Variants in SEMA6A observed in about 807,000 individuals in gnomAD.
SEMA6A encodes semaphorin 6A.
In SEMA6A, 25 loss-of-function variants were observed where a neutral mutation model predicts 96.8. The observed-to-expected ratio is 0.26, with a 90% CI of 0.19 to 0.36. SEMA6A has a LOEUF of 0.36. SEMA6A is among the 10% of genes least tolerant of loss of function. The probability of loss-of-function intolerance (pLI) is 1.00; values close to 1 mark genes in which losing one functional copy is unlikely to be tolerated. For missense variants in SEMA6A, 1,363 were observed against 1,323.1 expected (o/e 1.03, Z -0.47); for synonymous variants, 612 against 518.0 (o/e 1.18, Z -2.46).
At chr5:116,554,687 A>T (rs904234110) in intron 1 of SEMA6A, 1 of 152,208 alleles carries the variant, frequency 6.6e-6, no homozygotes, top group Non-Finnish European at 1.5e-5. Context: ...AAAAGGTTTC[A>T]ATTAAGTATA....
chr5:116,500,199 G>C (rs1325754753), intron 3 of SEMA6A, among the ~76,000 whole-genome samples: 1 of 152,142 alleles, frequency 6.6e-6, no homozygotes, highest in African/African-American at 2.4e-5. Flanking sequence ...ATGTTCTTGG[G>C]CAACAGCTAT....
At chr5:116,513,067 AC>A (rs1561508960) in intron 1 of SEMA6A, among the ~76,000 whole-genome samples, 1 of 152,080 alleles carries the variant, frequency 6.6e-6, no homozygotes. Flanking sequence ...TTTGATACAG[AC>A]ATGCAATGCA....
rs114952044 is a variant in SEMA6A at position 116,489,649 on chromosome 5, G to A, written c.536-642C>T. Among the ~76,000 whole-genome samples the A allele has an allele frequency of 3.1e-3, 478 of 152,248 alleles. 3 individuals are homozygous for A. Among genetic ancestry groups the A allele is most frequent in the African/African-American group, 0.011 (452 of 41,538 alleles). On this transcript the variant is annotated intron_variant, in intron 7 of 18. Transcript: ENST00000343348. ...CAAAGTCACAAACTAAAAACATTCCGAAACACAGCTTGGCTAAAGCCAAGA... is the reference window on the plus strand; with the variant it reads ...CAAAGTCACAAACTAAAAACATTCCAAAACACAGCTTGGCTAAAGCCAAGA...
chr5:116,532,984 C>T (rs1022267794), intron 1 of SEMA6A, among the ~76,000 whole-genome samples: 1 of 152,202 alleles, frequency 6.6e-6, no homozygotes, highest in Non-Finnish European at 1.5e-5. Context: ...TCCACCCCCT[C>T]TGCCAAGAGA....
intron 1 of SEMA6A, chr5:116,563,025 C>G (rs1249392733): frequency 2.0e-6 from 1 of 499,874 alleles, no homozygotes; most frequent in Non-Finnish European, 3.8e-6. Context: ...CAAGACAAGA[C>G]TCCTCAAAAT....
intron 1 of SEMA6A, among the ~76,000 whole-genome samples, chr5:116,529,709 A>G (rs1426744349): frequency 2.0e-5 from 3 of 152,200 alleles, no homozygotes; most frequent in Non-Finnish European, 2.9e-5. Flanking sequence ...GTTTAAAACT[A>G]GGCATTAGCT....
chr5:116,484,066 GAAAAAAA>G (rs542325007), intron 10 of SEMA6A, among the ~76,000 whole-genome samples: 1 of 99,924 alleles, frequency 1.0e-5, no homozygotes, highest in African/African-American at 3.5e-5. Context: ...TCTGTCTGAA[GAAAAAAA>G]AAAAAAAAAA....
chr5:116,502,599 A>G (rs933051434), intron 2 of SEMA6A: 1 of 382,022 alleles, frequency 2.6e-6, no homozygotes, highest in Admixed American at 4.2e-5. Context: ...TCTCTTTCTC[A>G]GGGCTCAACT....
intron 1 of SEMA6A, among the ~76,000 whole-genome samples, chr5:116,510,826 A>C (rs1384117647): frequency 1.3e-5 from 2 of 152,220 alleles, no homozygotes; most frequent in Non-Finnish European, 2.9e-5. Flanking sequence ...TTTTTAAAAA[A>C]TGTAAATCAT....
At chr5:116,568,893 T>A (rs1321741407) in intron 1 of SEMA6A, among the ~76,000 whole-genome samples, 1 of 152,116 alleles carries the variant, frequency 6.6e-6, no homozygotes, top group East Asian at 1.9e-4. Context: ...ATGAAGTATC[T>A]CATTTGATAA....
chr5:116,520,985 A>G (rs1044136512), intron 1 of SEMA6A, among the ~76,000 whole-genome samples: 1 of 152,238 alleles, frequency 6.6e-6, no homozygotes, highest in African/African-American at 2.4e-5. Context: ...TGGAATCAAA[A>G]GACCAAAAGA....
In SEMA6A at chr5:116,502,290, T is replaced by C. The variant is rs796888033; in HGVS notation, c.138A>G (p.Pro46=). 1.9e-6 allele frequency: 3 copies of C among 1,613,954 alleles called. No individual in the cohort carries two copies. In the African/African-American group the frequency reaches 4.0e-5, roughly 22 times the overall value. Residue 46 remains proline (P), a synonymous_variant, in exon 3 of 19, where the codon CCA becomes CCG. Transcript: ENST00000343348. ...TGTGCCTCTGTGTGGTGTTCCGTCCTGGCTTGTGGCCCACAAACACCGGAT... is the reference window on the plus strand; with the variant it reads ...TGTGCCTCTGTGTGGTGTTCCGTCCCGGCTTGTGGCCCACAAACACCGGAT... ...KQYPVFVGHK[P]GRNTTQRHRL... is the part of the protein sequence containing the mutation.
At chr5:116,556,750 G>C (rs1231866706) in intron 1 of SEMA6A, among the ~76,000 whole-genome samples, 1 of 152,116 alleles carries the variant, frequency 6.6e-6, no homozygotes, top group Non-Finnish European at 1.5e-5. Context: ...TATGATTTTA[G>C]TTGTTCTTCC....
rs77694749 is a variant in SEMA6A, at chr5:116,452,706, G to A, written c.1895-4895C>T. Among the ~76,000 whole-genome samples, 645 of 152,250 alleles carry A rather than the reference G, an allele frequency of 4.2e-3. 3 individuals are homozygous for A. Among genetic ancestry groups the A allele is most frequent in the African/African-American group, 0.015 (617 of 41,554 alleles). On this transcript the variant is annotated intron_variant, in intron 18 of 18. Transcript: ENST00000343348. ...ATGTTTTCTAGTAGTCCTGCTCATGGATACTATTCCGTGCAAAGGGAACCT... is the reference window on the plus strand; with the variant it reads ...ATGTTTTCTAGTAGTCCTGCTCATGAATACTATTCCGTGCAAAGGGAACCT...
At chr5:116,563,834 T>A (rs1293548003) in intron 1 of SEMA6A, among the ~76,000 whole-genome samples, 1 of 152,234 alleles carries the variant, frequency 6.6e-6, no homozygotes, top group African/African-American at 2.4e-5. Flanking sequence ...AGAACCTATT[T>A]TCTTACCCTG....
At chr5:116,527,550 A>G (rs1759283694) in intron 1 of SEMA6A, among the ~76,000 whole-genome samples, 1 of 152,216 alleles carries the variant, frequency 6.6e-6, no homozygotes, top group Admixed American at 6.5e-5. Flanking sequence ...TGAGGAAGAA[A>G]TTCTTATCCA....
chr5:116,478,682 A>G lies in SEMA6A; in HGVS notation c.1287T>C (p.Ala429=). 1 of 1,613,670 alleles carries G rather than the reference A, an allele frequency of 6.2e-7. No homozygotes were observed. The highest frequency in any genetic ancestry group is 8.5e-7 in the Non-Finnish European group (1 of 1,179,794). ...CCACAGTGTGATTCTGATATGGCCC[A>G]GCAGCTGTGTCCACTGCAATTTTGG... The part of the protein sequence containing the change: ...RLTKIAVDTA[A]GPYQNHTVVF... Residue 429 remains alanine, a synonymous_variant, in exon 13 of 19, where the codon GCT becomes GCC. Coordinates refer to ENST00000343348, the MANE Select transcript of SEMA6A (RefSeq NM_020796.5).
intron 1 of SEMA6A, among the ~76,000 whole-genome samples, chr5:116,543,588 G>A (rs951096082): frequency 3.3e-5 from 5 of 152,148 alleles, no homozygotes; most frequent in African/African-American, 1.2e-4. Context: ...AATTCACAAC[G>A]TGGTCAAGAC....
chr5:116,571,362 C>A (rs1761204958), intron 1 of SEMA6A, among the ~76,000 whole-genome samples: 1 of 152,124 alleles, frequency 6.6e-6, no homozygotes, highest in African/African-American at 2.4e-5. Context: ...GAAAATGTAG[C>A]ACATCTCTAA....
Sources: gnomAD v4.1 joint callset for allele counts (sites outside exome capture counted in the v4.1 genomes callset) on GRCh38, gnomAD v4.1.1 for gene constraint, MANE v1.5 for transcripts, NCBI Gene and HGNC (gene_info 2026-07-23, HGNC 2026-07-21) for gene names.